Variants in HOXD13 observed in about 807,000 individuals in gnomAD.
The protein encoded by HOXD13 is homeobox protein Hox-D13.
HOXD13 carries 16 observed loss-of-function variants against 27.3 expected under a neutral mutation model. The ratio of observed to expected loss-of-function variants is 0.59; its 90% CI spans 0.40 to 0.89. The LOEUF is 0.89. Among genes scored for constraint, HOXD13 ranks in the 40% least tolerant of loss-of-function variants. The pLI is 0.00. For missense variants in HOXD13, 481 were observed against 482.6 expected, an observed-to-expected ratio of 1.00 and a Z score of 0.03; for synonymous variants, 241 against 219.0, an observed-to-expected ratio of 1.10 and a Z score of -0.89.
Position 176,093,462 on chromosome 2 carries a change from C to A in HOXD13, c.572C>A (p.Ser191Tyr), listed in dbSNP as rs1390134686. The A allele has an allele frequency of 6.2e-7, 1 of 1,613,966 alleles. No individual in the cohort carries two copies. Among genetic ancestry groups the A allele is most frequent in the African/African-American group, 1.3e-5 (1 of 74,946 alleles). ...GTGCCAGCGCGAGCCAAGGAGGTAT[C>A]CTTCTACCAGGGCTATACGAGCCCT... ...NEVPARAKEV[S>Y]FYQGYTSPYQ... Residue 191 changes from serine (S) to tyrosine (Y), a missense_variant, in exon 1 of 2, where the codon TCC (serine) becomes TAC (tyrosine). Transcript: ENST00000392539.
chr2:176,090,251 G>A (rs1034296637), upstream of HOXD13, among the ~76,000 whole-genome samples: 3 of 152,252 alleles, frequency 2.0e-5, no homozygotes, highest in East Asian at 1.9e-4. Context: ...AGCAGGTTCA[G>A]CAGCAGGATA....
At chr2:176,091,808 G>A (rs1384336900), upstream of HOXD13, among the ~76,000 whole-genome samples, 2 of 152,078 alleles carry the variant, frequency 1.3e-5, no homozygotes, top group Non-Finnish European at 2.9e-5. Context: ...TGCAAAATGC[G>A]AGGCCGGTCG....
rs1047620716 is a variant in HOXD13 at position 176,093,500 on chromosome 2, C to G, written c.610C>G (p.Pro204Ala). 6.2e-7 allele frequency: 1 copy of G among 1,613,930 alleles called. No individual in the cohort carries two copies. The highest frequency in any genetic ancestry group is 1.3e-5 in the African/African-American group (1 of 74,944). ...CTATACGAGCCCTTACCAGCACGTG[C>G]CCGGCTATATCGACATGGTGTCCAC... ...QGYTSPYQHV[P>A]GYIDMVSTFG... Residue 204 changes from proline to alanine, a missense_variant, in exon 1 of 2, where the codon CCC becomes GCC. Transcript: ENST00000392539.
In HOXD13 at chr2:176,092,943, G is replaced by T. The variant is rs1270998342; in HGVS notation, c.53G>T (p.Gly18Val). The change falls in exon 1 of 2, where the codon GGC becomes GTC. Residue 18 changes from glycine to valine, a missense_variant. Transcript: ENST00000392539. Reference sequence around the variant, plus strand: ...GACGGGCTGCGGGCAGACGGCGGGGGCGCCGGTGGCGCCCCGGCCTCTTCC... The same window carrying T: ...GACGGGCTGCGGGCAGACGGCGGGGTCGCCGGTGGCGCCCCGGCCTCTTCC... ...DMDGLRADGG[G>V]AGGAPASSSS... The T allele has an allele frequency of 1.4e-5, 19 of 1,329,808 alleles. No individual in the cohort carries two copies. Among genetic ancestry groups the T allele is most frequent in the Non-Finnish European group, 1.8e-5 (19 of 1,043,156 alleles). The allele number at this position is 1,329,808 out of a possible 1,614,324, so 82.4% of individuals were successfully genotyped here. A position where few individuals can be genotyped will look rare whatever the true frequency, so the allele number is the denominator to read the frequency against.
At chr2:176,088,761 G>A (rs1047604087), upstream of HOXD13, among the ~76,000 whole-genome samples, 1 of 152,146 alleles carries the variant, frequency 6.6e-6, no homozygotes, top group Admixed American at 6.5e-5. Context: ...GTATTCCAAG[G>A]ACAACCCCTC....
upstream of HOXD13, among the ~76,000 whole-genome samples, chr2:176,090,403 C>G (rs1460074696): frequency 1.3e-5 from 2 of 152,246 alleles, no homozygotes; most frequent in Non-Finnish European, 2.9e-5. Context: ...CCCTTTCAAC[C>G]TGAGTAGTAA....
At chr2:176,093,753 T>G (rs1376795174) in intron 1 of HOXD13, 82 bp downstream of exon 1, 3 of 903,118 alleles carry the variant, frequency 3.3e-6, no homozygotes. Context: ...TATGCGCCCC[T>G]ACTTGGGAGT....
upstream of HOXD13, among the ~76,000 whole-genome samples, chr2:176,092,179 A>C (rs1209563858): frequency 2.0e-5 from 3 of 152,196 alleles, no homozygotes; most frequent in Non-Finnish European, 2.9e-5. Context: ...GCCGGGTACC[A>C]GTGCACAAGG....
upstream of HOXD13, among the ~76,000 whole-genome samples, chr2:176,089,901 C>A (rs1234200413): frequency 6.6e-6 from 1 of 152,314 alleles, no homozygotes; most frequent in South Asian, 2.1e-4. Flanking sequence ...TTGTTAAAAA[C>A]CCCTGCATAA....
chr2:176,088,470 G>T (rs1689274557), upstream of HOXD13, among the ~76,000 whole-genome samples: 1 of 152,318 alleles, frequency 6.6e-6, no homozygotes, highest in Non-Finnish European at 1.5e-5. Flanking sequence ...GGGAAAACTT[G>T]CAGGGACATC....
intron 1 of HOXD13, 45 bp from the exon 2 acceptor site, chr2:176,094,435 C>A (rs762792202): frequency 1.2e-6 from 2 of 1,609,578 alleles, no homozygotes; most frequent in Non-Finnish European, 1.7e-6. Flanking sequence ...GCTAGGTGCT[C>A]CGAATATCCC....
At chr2:176,088,602 G>A (rs960928150), upstream of HOXD13, among the ~76,000 whole-genome samples, 12 of 152,090 alleles carry the variant, frequency 7.9e-5, no homozygotes, top group Admixed American at 5.2e-4. Context: ...TCATCCCTTT[G>A]CCCTGCCGGT....
In HOXD13 at chr2:176,092,908, C is replaced by G; in HGVS notation, c.18C>G (p.Ser6Arg). The stretch of plus-strand genomic sequence containing the variant: ...GCCGGGCCATGAGCCGCGCCGGGAG[C>G]TGGGACATGGACGGGCTGCGGGCAG... The part of the protein sequence containing the change: MSRAG[S>R]WDMDGLRADG... The change falls in exon 1 of 2, where the codon AGC becomes AGG. Residue 6 changes from serine to arginine, a missense_variant. Physicochemically the swap from Ser to Arg is moderately radical, Grantham distance 110. Coordinates refer to ENST00000392539, the MANE Select transcript of HOXD13 (RefSeq NM_000523.4). 3.1e-6 allele frequency: 4 copies of G among 1,302,242 alleles called. No homozygotes were observed. In the South Asian group the frequency reaches 9.0e-5, roughly 29 times the overall value. 80.7% of individuals were successfully genotyped at this position (1,302,242 alleles called of 1,614,324 possible).
upstream of HOXD13, among the ~76,000 whole-genome samples, chr2:176,090,644 G>A (rs1481730351): frequency 6.6e-6 from 1 of 152,174 alleles, no homozygotes; most frequent in Non-Finnish European, 1.5e-5. Context: ...CTGAAAGTTT[G>A]TTGGTTCTAC....
At chr2:176,092,589 C>T (rs2105377780), upstream of HOXD13, among the ~76,000 whole-genome samples, 1 of 152,224 alleles carries the variant, frequency 6.6e-6, no homozygotes, top group East Asian at 1.9e-4. Context: ...GTTCCTACCC[C>T]CACGTGGCCG....
At chr2:176,094,271 T>C (rs138026533) in intron 1 of HOXD13, among the ~76,000 whole-genome samples, 1 of 152,296 alleles carries the variant, frequency 6.6e-6, no homozygotes, top group East Asian at 1.9e-4. Context: ...AAATTAACCA[T>C]TGTTGTTAAG....
Position 176,094,654 on chromosome 2 carries a change from A to T in HOXD13, c.956A>T (p.Gln319Leu). Residue 319 changes from glutamine (Q) to leucine (L), a missense_variant, in exon 2 of 2, where the codon CAA becomes CTA. By Grantham distance (113) the Gln-to-Leu change is moderately radical. Coordinates refer to ENST00000392539, the MANE Select transcript of HOXD13 (RefSeq NM_000523.4). The part of the protein sequence containing the change: ...ISAATNLSER[Q>L]VTIWFQNRRV... ...GCTGCTACGAACCTATCTGAGAGAC[A>T]AGTGACCATTTGGTTTCAGAACCGA... 6.2e-7 allele frequency: 1 copy of T among 1,613,924 alleles called. No homozygotes were observed. The highest frequency in any genetic ancestry group is 8.5e-7 in the Non-Finnish European group (1 of 1,179,776).
Position 176,095,164 on chromosome 2 carries a change from G to A in HOXD13, c.*434G>A, listed in dbSNP as rs982100190. 2 of 264,770 alleles carry A rather than the reference G, an allele frequency of 7.6e-6. No homozygotes were observed. The highest frequency in any genetic ancestry group is 5.7e-5 in the East Asian group (1 of 17,600). 16.4% of individuals were successfully genotyped at this position (264,770 alleles called of 1,614,324 possible). On this transcript the variant is annotated 3_prime_UTR_variant, in exon 2 of 2. Transcript: ENST00000392539. ...CATTAGGACAGAATGGTTTTCAGTC[G>A]TTCATATCCTGTAATTAGGTAATTG...
At chr2:176,092,354 C>G (rs1298009010), upstream of HOXD13, among the ~76,000 whole-genome samples, 3 of 152,188 alleles carry the variant, frequency 2.0e-5, no homozygotes, top group Non-Finnish European at 2.9e-5. Flanking sequence ...GTGGCAAAAA[C>G]AGCGGTTGCC....
Sources: allele counts gnomAD v4.1 joint callset (sites outside exome capture counted in the v4.1 genomes callset), GRCh38; gene constraint gnomAD v4.1.1; transcripts MANE v1.5; gene names NCBI Gene and HGNC (gene_info 2026-07-23, HGNC 2026-07-21).